Variants in UBXN7 observed in about 807,000 individuals in gnomAD.
UBXN7 encodes UBX domain-containing protein 7.
A neutral mutation model predicts 58.0 loss-of-function variants in UBXN7; 9 were observed. That is an observed-to-expected ratio of 0.16 (90% CI 0.09 to 0.27). The LOEUF (loss-of-function observed/expected upper bound fraction) is 0.27, where lower values mean the gene tolerates loss of function less well. Ranked by LOEUF, UBXN7 falls within the 10% of genes least tolerant of loss-of-function variation. The probability of loss-of-function intolerance (pLI) is 1.00; values close to 1 mark genes in which losing one functional copy is unlikely to be tolerated. For missense variants in UBXN7, 328 were observed against 599.6 expected (o/e 0.55, Z 4.73); for synonymous variants, 208 against 205.0 (o/e 1.01, Z -0.12).
intron 8 of UBXN7, among the ~76,000 whole-genome samples, chr3:196,363,799 C>T (rs1294062489): frequency 6.6e-6 from 1 of 151,836 alleles, no homozygotes; most frequent in African/African-American, 2.4e-5. Flanking sequence ...CATGGTGGTG[C>T]GCGCCTGTAG....
chr3:196,416,799 A>C (rs1730499255), intron 1 of UBXN7, among the ~76,000 whole-genome samples: 1 of 152,246 alleles, frequency 6.6e-6, no homozygotes, highest in Non-Finnish European at 1.5e-5. Context: ...ACATAAATTA[A>C]TTCAATCATA....
intron 5 of UBXN7, among the ~76,000 whole-genome samples, chr3:196,385,791 TG>T (rs200291961): frequency 0.013 from 1,738 of 132,526 alleles, 33 homozygotes; most frequent in African/African-American, 0.046. Flanking sequence ...GTCTGGGAAG[TG>T]GGGGGGGTGG....
rs1728315608 is a variant in UBXN7 at position 196,355,322 on chromosome 3, G to C, written c.*1363C>G. On this transcript the variant is annotated 3_prime_UTR_variant, in exon 11 of 11. Transcript: ENST00000296328. ...CATTTAAGCTCAAAATACGAAATGA[G>C]CATAGGGTGAAGTTGATGTGTAAAT... The C allele has an allele frequency of 6.6e-6, 1 of 152,162 alleles. No homozygotes were observed. Among genetic ancestry groups the C allele is most frequent in the African/African-American group, 2.4e-5 (1 of 41,438 alleles). The allele number at this position is 152,162 out of a possible 1,614,324, so 9.4% of individuals were successfully genotyped here.
chr3:196,355,352 T>C lies in UBXN7; in HGVS notation c.*1333A>G, dbSNP rs918326442. On this transcript the variant is annotated 3_prime_UTR_variant, in exon 11 of 11. Coordinates refer to ENST00000296328, the MANE Select transcript of UBXN7 (RefSeq NM_015562.2). ...GGGTGAAGTTGATGTGTAAATGGTA[T>C]TCTACAGATTCAAGATGGCCTCTTC... 6.6e-6 allele frequency: 1 copy of C among 152,208 alleles called. No individual in the cohort carries two copies. The highest frequency in any genetic ancestry group is 1.5e-5 in the Non-Finnish European group (1 of 68,036). 9.4% of individuals were successfully genotyped at this position (152,208 alleles called of 1,614,324 possible). A position where few individuals can be genotyped will look rare whatever the true frequency, so the allele number is the denominator to read the frequency against.
intron 5 of UBXN7, among the ~76,000 whole-genome samples, chr3:196,374,185 C>A (rs564852259): frequency 6.6e-6 from 1 of 151,922 alleles, no homozygotes; most frequent in Non-Finnish European, 1.5e-5. Flanking sequence ...GGTAAATTTA[C>A]ATAAGTCTGC....
At chr3:196,360,528 A>G (rs533642452) in intron 10 of UBXN7, among the ~76,000 whole-genome samples, 6 of 152,348 alleles carry the variant, frequency 3.9e-5, no homozygotes, top group African/African-American at 1.4e-4. Flanking sequence ...AATTTACAGC[A>G]TAACTTACTA....
chr3:196,414,069 A>C (rs1350107629), intron 1 of UBXN7, among the ~76,000 whole-genome samples: 1 of 152,144 alleles, frequency 6.6e-6, no homozygotes, highest in Non-Finnish European at 1.5e-5. Flanking sequence ...CGCTCACTGC[A>C]ACCTCTGCCT....
chr3:196,396,383 A>G (rs1729771995), intron 3 of UBXN7, among the ~76,000 whole-genome samples: 1 of 142,332 alleles, frequency 7.0e-6, no homozygotes, highest in Non-Finnish European at 1.5e-5. Context: ...CAACATACTG[A>G]CACCCTGTCT....
intron 6 of UBXN7, among the ~76,000 whole-genome samples, chr3:196,369,958 C>A (rs1482641513): frequency 6.6e-6 from 1 of 151,916 alleles, no homozygotes. Flanking sequence ...TGGTGAAACC[C>A]CGTCTCTACT....
intron 2 of UBXN7, among the ~76,000 whole-genome samples, chr3:196,405,118 C>A (rs1560237295): frequency 6.6e-6 from 1 of 152,032 alleles, no homozygotes; most frequent in Admixed American, 6.6e-5. Context: ...AGAGATCACA[C>A]CCCTACATTC....
intron 1 of UBXN7, 132 bp from the exon 2 acceptor site, chr3:196,407,525 G>T: frequency 1.6e-6 from 2 of 1,278,962 alleles, no homozygotes; most frequent in Non-Finnish European, 2.1e-6. Flanking sequence ...ACTTTCTTGT[G>T]AAATACACAG....
Position 196,377,061 on chromosome 3 carries a change from A to G in UBXN7, c.469-5019T>C, listed in dbSNP as rs183120694. ...ACTCTGTCTCAAAAAAAAAAAAAAAAAGGAAGAAATATTACCGAAATTGTT... is the reference window on the plus strand; with the variant it reads ...ACTCTGTCTCAAAAAAAAAAAAAAAGAGGAAGAAATATTACCGAAATTGTT... On this transcript the variant is annotated intron_variant, in intron 5 of 10. Coordinates refer to ENST00000296328, the MANE Select transcript of UBXN7 (RefSeq NM_015562.2). Among the ~76,000 whole-genome samples, 1,491 of 152,008 alleles carry G rather than the reference A, an allele frequency of 9.8e-3. 34 individuals carry two copies. Among genetic ancestry groups the G allele is most frequent in the African/African-American group, 0.034 (1,398 of 41,404 alleles).
intron 1 of UBXN7, among the ~76,000 whole-genome samples, chr3:196,420,507 G>A (rs1365304755): frequency 1.3e-5 from 2 of 150,790 alleles, no homozygotes; most frequent in Admixed American, 6.6e-5. Context: ...CTCCAGCCTG[G>A]GTGACAGAGC....
At chr3:196,358,863 G>A (rs1400921114) in intron 10 of UBXN7, among the ~76,000 whole-genome samples, 1 of 128,654 alleles carries the variant, frequency 7.8e-6, no homozygotes, top group Non-Finnish European at 1.6e-5. Flanking sequence ...GTCTCGCTTT[G>A]TTGCCCAGGC....
chr3:196,369,565 T>G, intron 6 of UBXN7, 54 bp from the exon 7 acceptor site: 9 of 1,334,550 alleles, frequency 6.7e-6, no homozygotes, highest in Non-Finnish European at 1.1e-6. Context: ...AAGAACCAAC[T>G]ATAACCTTCT....
chr3:196,393,681 T>C, intron 3 of UBXN7, 62 bp from the exon 4 acceptor site: 1 of 1,496,192 alleles, frequency 6.7e-7, no homozygotes, highest in Non-Finnish European at 9.1e-7. Context: ...ATTCTAAAAA[T>C]GTCCTTATCT....
At chr3:196,370,127 CAAA>C (rs368855542) in intron 6 of UBXN7, among the ~76,000 whole-genome samples, 10 of 73,394 alleles carry the variant, frequency 1.4e-4, no homozygotes, top group Admixed American at 3.2e-4. Context: ...AGACTTGTCT[CAAA>C]AAAAAAAAAA....
At chr3:196,378,655 G>A (rs1214021165) in intron 5 of UBXN7, among the ~76,000 whole-genome samples, 1 of 152,232 alleles carries the variant, frequency 6.6e-6, no homozygotes, top group Admixed American at 6.5e-5. Flanking sequence ...GCAACTTCCT[G>A]ATGTTGCCAT....
Position 196,385,767 on chromosome 3 carries a change from C to T in UBXN7, c.468+6046G>A, listed in dbSNP as rs181484549. ...AGGGAGGTGGGGGGCAGCCCCCACCCGGCCAGCCGCCCCGTCTGGGAAGTG... is the reference window on the plus strand; with the variant it reads ...AGGGAGGTGGGGGGCAGCCCCCACCTGGCCAGCCGCCCCGTCTGGGAAGTG... On this transcript the variant is annotated intron_variant, in intron 5 of 10. Coordinates refer to ENST00000296328, the MANE Select transcript of UBXN7 (RefSeq NM_015562.2). Among the ~76,000 whole-genome samples, 544 of 150,214 alleles carry T rather than the reference C, an allele frequency of 3.6e-3. 20 individuals are homozygous for T. The South Asian group carries it at 0.074, about 20-fold the overall frequency.
Sources: gnomAD v4.1 joint callset for allele counts (sites outside exome capture counted in the v4.1 genomes callset) on GRCh38, gnomAD v4.1.1 for gene constraint, MANE v1.5 for transcripts, NCBI Gene and HGNC (gene_info 2026-07-23, HGNC 2026-07-21) for gene names.